Variants in LRP1B observed in about 807,000 individuals in gnomAD.
LRP1B encodes LDL receptor related protein 1B, also known as low-density lipoprotein receptor-related protein 1B.
In LRP1B, 217 loss-of-function variants were observed where a neutral mutation model predicts 556.6. The ratio of observed to expected loss-of-function variants is 0.39; its 90% CI spans 0.35 to 0.44. LRP1B has a LOEUF of 0.44. LRP1B is among the 20% of genes least tolerant of loss of function. The pLI is 1.00. For missense variants in LRP1B, 5,053 were observed against 5,620.8 expected, an observed-to-expected ratio of 0.90 and a Z score of 3.23; for synonymous variants, 2,047 against 1,865.8, an observed-to-expected ratio of 1.10 and a Z score of -2.50.
At chr2:140,294,590 GGAAGCTGGCTCTATA>G (rs1683525867) in intron 84 of LRP1B, among the ~76,000 whole-genome samples, 1 of 152,112 alleles carries the variant, frequency 6.6e-6, no homozygotes, top group Non-Finnish European at 1.5e-5. Context: ...ACAATGTCAG[GGAAGCTGGCTCTATA>G]TAGGGAAGGG....
intron 2 of LRP1B, among the ~76,000 whole-genome samples, chr2:141,637,183 T>C (rs1033349381): frequency 6.6e-6 from 1 of 152,168 alleles, no homozygotes; most frequent in Admixed American, 6.6e-5. Context: ...GATGGATTGT[T>C]CAGCATGAGG....
chr2:141,503,129 C>A, intron 2 of LRP1B, among the ~76,000 whole-genome samples: 1 of 146,740 alleles, frequency 6.8e-6, no homozygotes, highest in African/African-American at 2.5e-5. Context: ...TTTATTAGGA[C>A]TATATAAAAA....
intron 1 of LRP1B, among the ~76,000 whole-genome samples, chr2:141,840,257 C>T (rs1277721965): frequency 1.2e-5 from 1 of 84,238 alleles, no homozygotes; most frequent in African/African-American, 4.8e-5. Flanking sequence ...AACAAATTTC[C>T]TTTTTTTTTT....
intron 1 of LRP1B, among the ~76,000 whole-genome samples, chr2:141,978,655 T>C (rs1701956014): frequency 6.6e-6 from 1 of 151,962 alleles, no homozygotes; most frequent in Non-Finnish European, 1.5e-5. Flanking sequence ...TTAATGTATA[T>C]CTCAAAATAC....
intron 3 of LRP1B, among the ~76,000 whole-genome samples, chr2:141,322,196 A>G (rs961674881): frequency 1.3e-5 from 2 of 152,092 alleles, no homozygotes; most frequent in South Asian, 2.1e-4. Context: ...AGTTTTATCA[A>G]TCCATGACAA....
chr2:140,940,961 C>T (rs1264971160), intron 20 of LRP1B, among the ~76,000 whole-genome samples: 1 of 152,120 alleles, frequency 6.6e-6, no homozygotes, highest in East Asian at 1.9e-4. Flanking sequence ...GATCACCATT[C>T]CGACTGGCGT....
At chr2:141,420,927 G>T (rs769936295) in intron 3 of LRP1B, among the ~76,000 whole-genome samples, 1 of 152,196 alleles carries the variant, frequency 6.6e-6, no homozygotes. Flanking sequence ...TCCCTTGAAA[G>T]ATAGTAAATT....
intron 2 of LRP1B, among the ~76,000 whole-genome samples, chr2:141,652,159 CATT>C (rs1328500642): frequency 1.3e-5 from 2 of 152,170 alleles, no homozygotes; most frequent in East Asian, 3.9e-4. Context: ...ATTATAGTGA[CATT>C]ATAAAGCTTT....
chr2:140,754,899 A>G (rs772268926), intron 35 of LRP1B, among the ~76,000 whole-genome samples: 4 of 152,006 alleles, frequency 2.6e-5, no homozygotes, highest in Non-Finnish European at 5.9e-5. Flanking sequence ...GAAAAGATCA[A>G]CAAATTTGAC....
chr2:140,725,813 CTCT>C (rs1342161518), intron 35 of LRP1B, among the ~76,000 whole-genome samples: 5 of 152,054 alleles, frequency 3.3e-5, no homozygotes, highest in South Asian at 2.1e-4. Flanking sequence ...TGACTCCTCC[CTCT>C]TCTTCTTCAT....
intron 32 of LRP1B, among the ~76,000 whole-genome samples, chr2:140,796,924 T>C (rs887402368): frequency 1.3e-5 from 2 of 151,846 alleles, no homozygotes; most frequent in Non-Finnish European, 2.9e-5. Context: ...TAAAATGATA[T>C]GTTATTTGTC....
In LRP1B at chr2:140,475,289, A is replaced by G; in HGVS notation, c.9474T>C (p.Val3158=). 6.2e-7 allele frequency: 1 copy of G among 1,610,824 alleles called. No homozygotes were observed. Among genetic ancestry groups the G allele is most frequent in the South Asian group, 1.1e-5 (1 of 90,834 alleles). ...CACTCTGATTGGTTCCATCCATTCC[A>G]ACACGGCCAATATGAGGATACTCGC... The part of the protein sequence containing the change: ...DCCEYPHIGR[V]GMDGTNQSVV... The change falls in exon 60 of 91, where the codon GTT becomes GTC. Residue 3158 remains valine (V), a synonymous_variant. Coordinates refer to ENST00000389484, the MANE Select transcript of LRP1B (RefSeq NM_018557.3).
At chr2:141,848,694 C>A (rs1697741285) in intron 1 of LRP1B, among the ~76,000 whole-genome samples, 1 of 151,340 alleles carries the variant, frequency 6.6e-6, no homozygotes, top group African/African-American at 2.4e-5. Context: ...TTTATATATA[C>A]ACAAGCAATT....
chr2:140,358,256 T>C, intron 73 of LRP1B, 140 bp from the exon 74 acceptor site: 1 of 687,846 alleles, frequency 1.5e-6, no homozygotes, highest in Non-Finnish European at 2.3e-6. Context: ...CAAGGCCAAA[T>C]TTTTAAACAT....
intron 86 of LRP1B, among the ~76,000 whole-genome samples, chr2:140,253,809 G>A (rs1681557043): frequency 2.6e-5 from 4 of 152,082 alleles, no homozygotes; most frequent in Admixed American, 2.6e-4. Context: ...TAATATGGTG[G>A]ATGTAATTGA....
chr2:140,683,682 G>T, intron 41 of LRP1B: 1 of 706,116 alleles, frequency 1.4e-6, no homozygotes, highest in Non-Finnish European at 2.6e-6. Flanking sequence ...CAGAATGGGT[G>T]CCTTCACTCC....
At chr2:141,578,077 A>G (rs951843749) in intron 2 of LRP1B, among the ~76,000 whole-genome samples, 3 of 152,168 alleles carry the variant, frequency 2.0e-5, no homozygotes, top group African/African-American at 7.2e-5. Context: ...AAAATAGATC[A>G]TCTACTTAAA....
intron 66 of LRP1B, among the ~76,000 whole-genome samples, chr2:140,425,564 C>T (rs1356313962): frequency 6.6e-6 from 1 of 152,144 alleles, no homozygotes; most frequent in Non-Finnish European, 1.5e-5. Flanking sequence ...GTACCCACAA[C>T]CACACCTGGC....
At chr2:142,023,981 T>C (rs1235689529) in intron 1 of LRP1B, among the ~76,000 whole-genome samples, 1 of 152,220 alleles carries the variant, frequency 6.6e-6, no homozygotes, top group African/African-American at 2.4e-5. Context: ...ATTTTCAGTC[T>C]TTTAACAAAG....
Sources: gnomAD v4.1 joint callset for allele counts (sites outside exome capture counted in the v4.1 genomes callset) on GRCh38, gnomAD v4.1.1 for gene constraint, MANE v1.5 for transcripts, NCBI Gene and HGNC (gene_info 2026-07-23, HGNC 2026-07-21) for gene names.